Variants in FMNL2 observed in about 807,000 individuals in gnomAD.
FMNL2 encodes the protein formin like 2, also known as formin-like protein 2.
In FMNL2, 51 loss-of-function variants were observed where a neutral mutation model predicts 130.2. That is an observed-to-expected ratio of 0.39 (90% CI 0.31 to 0.49). The LOEUF is 0.49. Among genes scored for constraint, FMNL2 ranks in the 20% least tolerant of loss-of-function variants. FMNL2 has a pLI of 0.85. For missense variants in FMNL2, 977 were observed against 1,316.2 expected, an observed-to-expected ratio of 0.74 and a Z score of 3.99; for synonymous variants, 465 against 467.1, an observed-to-expected ratio of 1.00 and a Z score of 0.06.
At chr2:152,642,914 CAGG>C (rs1683219615) in intron 25 of FMNL2, among the ~76,000 whole-genome samples, 1 of 152,090 alleles carries the variant, frequency 6.6e-6, no homozygotes, top group Non-Finnish European at 1.5e-5. Flanking sequence ...GAGGCCGAGA[CAGG>C]AGAATTGCTT....
At chr2:152,637,762 C>G in intron 23 of FMNL2, 88 bp downstream of exon 23, 1 of 1,186,342 alleles carries the variant, frequency 8.4e-7, no homozygotes, top group Non-Finnish European at 1.2e-6. Context: ...GCAGAGGCCT[C>G]CCAGTTCCTG....
At chr2:152,421,985 A>C (rs6757782) in intron 1 of FMNL2, among the ~76,000 whole-genome samples, 26,955 of 152,202 alleles carry the variant, frequency 0.18, 2,590 homozygotes, top group Middle Eastern at 0.38. Context: ...AGGTAGGTTT[A>C]TTGATGAGGA....
chr2:152,595,305 G>T (rs1399894964), intron 9 of FMNL2, among the ~76,000 whole-genome samples: 2 of 152,130 alleles, frequency 1.3e-5, no homozygotes, highest in African/African-American at 4.8e-5. Flanking sequence ...ATTTGTTCAT[G>T]ATTGATTGAT....
At chr2:152,361,805 G>A (rs753860167) in intron 1 of FMNL2, among the ~76,000 whole-genome samples, 3 of 151,872 alleles carry the variant, frequency 2.0e-5, no homozygotes, top group Non-Finnish European at 4.4e-5. Flanking sequence ...TCCTCCAAAG[G>A]GCTTTTGAGG....
chr2:152,410,927 A>G (rs1000411695), intron 1 of FMNL2, among the ~76,000 whole-genome samples: 5 of 152,216 alleles, frequency 3.3e-5, no homozygotes, highest in Admixed American at 1.3e-4. Flanking sequence ...CTTTGCCCCA[A>G]ATTATTTCCC....
intron 3 of FMNL2, among the ~76,000 whole-genome samples, chr2:152,545,883 G>A (rs746846437): frequency 2.9e-4 from 44 of 152,128 alleles, no homozygotes; most frequent in Non-Finnish European, 5.4e-4. Flanking sequence ...AAATTGAGCC[G>A]TTCCTTAGAT....
At chr2:152,468,098 A>G (rs1689653613) in intron 1 of FMNL2, among the ~76,000 whole-genome samples, 1 of 152,378 alleles carries the variant, frequency 6.6e-6, no homozygotes, top group South Asian at 2.1e-4. Context: ...TAGCCCCTGA[A>G]TGACAAAGCA....
At chr2:152,556,440 TG>T (rs1311307858) in intron 4 of FMNL2, among the ~76,000 whole-genome samples, 1 of 152,220 alleles carries the variant, frequency 6.6e-6, no homozygotes, top group East Asian at 1.9e-4. Flanking sequence ...CTCAGAAAAT[TG>T]TCTTTGAGGC....
At chr2:152,520,844 A>G (rs1693051554) in intron 1 of FMNL2, among the ~76,000 whole-genome samples, 1 of 152,178 alleles carries the variant, frequency 6.6e-6, no homozygotes, top group Admixed American at 6.5e-5. Flanking sequence ...AATAACCATG[A>G]CCAGGGGAAT....
intron 1 of FMNL2, among the ~76,000 whole-genome samples, chr2:152,371,105 C>G (rs1683849298): frequency 6.6e-6 from 1 of 152,184 alleles, no homozygotes; most frequent in African/African-American, 2.4e-5. Flanking sequence ...CATCTGGGAG[C>G]AATCTGAGAG....
intron 1 of FMNL2, among the ~76,000 whole-genome samples, chr2:152,407,291 A>G (rs1686037431): frequency 6.6e-6 from 1 of 151,928 alleles, no homozygotes; most frequent in Admixed American, 6.6e-5. Flanking sequence ...TGAACATAAC[A>G]TCAATGGAAT....
chr2:152,372,511 G>A (rs1683944635), intron 1 of FMNL2, among the ~76,000 whole-genome samples: 1 of 152,174 alleles, frequency 6.6e-6, no homozygotes, highest in Non-Finnish European at 1.5e-5. Flanking sequence ...TCTGGGAAAA[G>A]ATCCTCTTGG....
intron 25 of FMNL2, chr2:152,645,318 C>G (rs1323449536): frequency 4.4e-6 from 2 of 452,974 alleles, no homozygotes; most frequent in Middle Eastern, 1.3e-3. Flanking sequence ...GCTTCTCATT[C>G]TCTTCCTCTG....
chr2:152,388,040 G>A (rs552423198), intron 1 of FMNL2, among the ~76,000 whole-genome samples: 1 of 152,178 alleles, frequency 6.6e-6, no homozygotes, highest in South Asian at 2.1e-4. Flanking sequence ...ATAAGAATTA[G>A]GAAGATTCTT....
chr2:152,487,390 C>T (rs1690890430), intron 1 of FMNL2, among the ~76,000 whole-genome samples: 1 of 152,146 alleles, frequency 6.6e-6, no homozygotes. Context: ...GAAAGGACTG[C>T]TTTAATTCCA....
intron 1 of FMNL2, among the ~76,000 whole-genome samples, chr2:152,382,803 GA>G (rs1553873205): frequency 6.6e-6 from 1 of 152,054 alleles, no homozygotes; most frequent in Non-Finnish European, 1.5e-5. Context: ...TAAAGCTGGG[GA>G]AAAAATAGAA....
chr2:152,419,868 C>T (rs903965016), intron 1 of FMNL2, among the ~76,000 whole-genome samples: 1 of 151,980 alleles, frequency 6.6e-6, no homozygotes, highest in Non-Finnish European at 1.5e-5. Flanking sequence ...GGAGAGACTC[C>T]GATTGTAACA....
chr2:152,414,204 G>A (rs983062277), intron 1 of FMNL2, among the ~76,000 whole-genome samples: 9 of 151,656 alleles, frequency 5.9e-5, no homozygotes, highest in Non-Finnish European at 1.2e-4. Context: ...TACTCTTCTT[G>A]TGGTTATCCT....
At chr2:152,469,658 CA>C (rs1357471464) in intron 1 of FMNL2, among the ~76,000 whole-genome samples, 1 of 152,132 alleles carries the variant, frequency 6.6e-6, no homozygotes, top group Non-Finnish European at 1.5e-5. Context: ...GAGAGGTCAT[CA>C]ATTGAAAATT....
Sources: allele counts gnomAD v4.1 joint callset (sites outside exome capture counted in the v4.1 genomes callset), GRCh38; gene constraint gnomAD v4.1.1; transcripts MANE v1.5; gene names NCBI Gene and HGNC (gene_info 2026-07-23, HGNC 2026-07-21).